The following SDK1 variants were observed in gnomAD, a reference collection of about 807,000 sequenced individuals.
SDK1 encodes sidekick cell adhesion molecule 1.
SDK1 carries 157 observed loss-of-function variants against 245.5 expected under a neutral mutation model. The observed-to-expected ratio is 0.64, with a 90% CI of 0.56 to 0.73. SDK1 has a LOEUF of 0.73. Among genes scored for constraint, SDK1 ranks in the 30% least tolerant of loss-of-function variants. The pLI is 0.00. For synonymous variants in SDK1, 1,647 were observed against 1,278.5 expected (o/e 1.29, Z -6.15); for missense variants, 3,583 against 3,002.3 (o/e 1.19, Z -4.52).
intron 4 of SDK1, among the ~76,000 whole-genome samples, chr7:3,655,255 G>C (rs1783126468): frequency 6.6e-6 from 1 of 151,070 alleles, no homozygotes; most frequent in Non-Finnish European, 1.5e-5. Context: ...CCAACATGGA[G>C]AAACACTGTC....
At chr7:3,815,612 A>G (rs1481319814) in intron 4 of SDK1, among the ~76,000 whole-genome samples, 3 of 148,724 alleles carry the variant, frequency 2.0e-5, no homozygotes, top group African/African-American at 5.0e-5. Flanking sequence ...TTGGTATCAG[A>G]ATGATGCTGG....
intron 35 of SDK1, among the ~76,000 whole-genome samples, chr7:4,183,334 G>C (rs531708729): frequency 6.6e-6 from 1 of 152,266 alleles, no homozygotes; most frequent in African/African-American, 2.4e-5. Flanking sequence ...AGCAGTGAGG[G>C]ATTACTTACC....
intron 30 of SDK1, among the ~76,000 whole-genome samples, chr7:4,156,483 G>A (rs1780746899): frequency 6.6e-6 from 1 of 152,154 alleles, no homozygotes. Flanking sequence ...GAGTGCAGAG[G>A]GTCTGAGATG....
intron 44 of SDK1, among the ~76,000 whole-genome samples, chr7:4,249,227 G>C (rs1347499729): frequency 1.3e-5 from 2 of 152,220 alleles, no homozygotes; most frequent in Non-Finnish European, 1.5e-5. Flanking sequence ...AGCCGAGACT[G>C]AGAGTTTTTG....
intron 1 of SDK1, among the ~76,000 whole-genome samples, chr7:3,567,059 C>G (rs1057362274): frequency 6.6e-6 from 1 of 152,004 alleles, no homozygotes; most frequent in African/African-American, 2.4e-5. Flanking sequence ...GGTACGCATC[C>G]TAGGAACACT....
chr7:3,542,836 A>G (rs968395680), intron 1 of SDK1, among the ~76,000 whole-genome samples: 1 of 152,170 alleles, frequency 6.6e-6, no homozygotes, highest in Non-Finnish European at 1.5e-5. Context: ...AAAAACATCA[A>G]AGACAAAGAC....
chr7:4,201,656 C>T lies in SDK1; in HGVS notation c.5099-4223C>T, dbSNP rs182020783. On this transcript the variant is annotated intron_variant, in intron 35 of 44. Transcript: ENST00000404826. ...TGCCTGGCATGGCACAGGGAGGCTC[C>T]GGTGACAGGAGGCGCCTGGCGTGGC... Among the ~76,000 whole-genome samples, 7 of 150,840 alleles carry T rather than the reference C, an allele frequency of 4.6e-5. No individual in the cohort carries two copies. In the East Asian group the frequency reaches 7.8e-4, roughly 17 times the overall value.
In SDK1 at chr7:4,233,779, CT is replaced by C. The variant is rs1785962234; in HGVS notation, c.5992+361del. ...TGCCTCCCCAGTGCCACCCATCCTC[CT>C]GGGCTGCTCCCTGCTTCCCTCTGGC... On this transcript the variant is annotated intron_variant, in intron 41 of 44. Transcript: ENST00000404826. 2.0e-5 allele frequency among the ~76,000 whole-genome samples: 3 copies of C among 152,304 alleles called. No homozygotes were observed. The South Asian group carries it at 6.2e-4, about 32-fold the overall frequency.
intron 4 of SDK1, among the ~76,000 whole-genome samples, chr7:3,788,486 C>T (rs1034965431): frequency 6.6e-6 from 1 of 152,056 alleles, no homozygotes; most frequent in Admixed American, 6.6e-5. Context: ...AATTATCTCC[C>T]GAAGGCAAAG....
intron 1 of SDK1, among the ~76,000 whole-genome samples, chr7:3,433,604 A>C (rs1004707397): frequency 2.6e-5 from 4 of 152,192 alleles, no homozygotes; most frequent in African/African-American, 9.7e-5. Context: ...GTGAATTGCT[A>C]CATTAAAGAC....
chr7:3,896,571 C>A lies in SDK1; in HGVS notation c.848-54352C>A, dbSNP rs570127523. Among the ~76,000 whole-genome samples the A allele has an allele frequency of 1.6e-4, 24 of 152,292 alleles. No individual in the cohort carries two copies. In the South Asian group the frequency reaches 4.6e-3, roughly 29 times the overall value. On this transcript the variant is annotated intron_variant, in intron 5 of 44. Coordinates refer to ENST00000404826, the MANE Select transcript of SDK1 (RefSeq NM_152744.4). ...ACTCTGGCTTGTTAACTCAGCAAGC[C>A]CACTGGGATCTGTCTGGCTTCCCTC...
intron 1 of SDK1, among the ~76,000 whole-genome samples, chr7:3,596,950 G>A (rs1161146589): frequency 6.6e-6 from 1 of 152,148 alleles, no homozygotes; most frequent in African/African-American, 2.4e-5. Context: ...AACACTGGCC[G>A]CCTGTGATTG....
chr7:3,668,223 C>T (rs778363254), intron 4 of SDK1, among the ~76,000 whole-genome samples: 23 of 152,170 alleles, frequency 1.5e-4, no homozygotes, highest in Non-Finnish European at 3.2e-4. Context: ...GCAATTTGAG[C>T]AGGAGTGGGA....
chr7:4,242,822 A>G (rs1266850728), intron 43 of SDK1, among the ~76,000 whole-genome samples: 4 of 152,050 alleles, frequency 2.6e-5, no homozygotes, highest in Non-Finnish European at 5.9e-5. Flanking sequence ...GTGTTTGGAG[A>G]TTCCCTGGGC....
Position 3,723,937 on chromosome 7 carries a change from TATATATAGAG to T in SDK1, c.713+81834_713+81843del, listed in dbSNP as rs751182110. 3.0e-4 allele frequency among the ~76,000 whole-genome samples: 36 copies of T among 119,194 alleles called. 1 individual carries two copies. The highest frequency in any genetic ancestry group is 3.6e-4 in the Non-Finnish European group (20 of 55,572). The allele number at this position is 119,194 out of a possible 152,430, so 78.2% of individuals were successfully genotyped here. A position where few individuals can be genotyped will look rare whatever the true frequency, so the allele number is the denominator to read the frequency against. ...ATATATATACACGTATATATATATA[TATATATAGAG>T]AGAGAGAGAGAGAGAGAGAGAGAGA... On this transcript the variant is annotated intron_variant, in intron 4 of 44. Transcript: ENST00000404826.
chr7:3,831,924 A>T (rs367546425), intron 5 of SDK1, among the ~76,000 whole-genome samples: 21 of 152,018 alleles, frequency 1.4e-4, no homozygotes, highest in African/African-American at 5.1e-4. Context: ...GGTAGTGCAT[A>T]CCTGTGGCCC....
intron 4 of SDK1, among the ~76,000 whole-genome samples, chr7:3,807,986 G>A (rs1037573599): frequency 4.6e-5 from 7 of 152,080 alleles, no homozygotes; most frequent in African/African-American, 9.7e-5. Flanking sequence ...TCTGACCTGC[G>A]CATTGGTGCT....
intron 1 of SDK1, among the ~76,000 whole-genome samples, chr7:3,465,834 C>A (rs956840338): frequency 2.6e-5 from 4 of 152,174 alleles, no homozygotes; most frequent in African/African-American, 9.7e-5. Context: ...GGTTGGCCAT[C>A]AGTCTAACAC....
At chr7:3,507,958 G>T (rs553955176) in intron 1 of SDK1, among the ~76,000 whole-genome samples, 1 of 152,200 alleles carries the variant, frequency 6.6e-6, no homozygotes, top group East Asian at 1.9e-4. Flanking sequence ...GATTCCTGGT[G>T]GCATTTGACA....
Sources: gnomAD v4.1 joint callset for allele counts (sites outside exome capture counted in the v4.1 genomes callset) on GRCh38, gnomAD v4.1.1 for gene constraint, MANE v1.5 for transcripts, NCBI Gene and HGNC (gene_info 2026-07-23, HGNC 2026-07-21) for gene names.